The following MAGI1 variants were observed in gnomAD, a reference collection of about 807,000 sequenced individuals.
MAGI1 encodes membrane associated guanylate kinase, WW and PDZ domain containing 1.
A neutral mutation model predicts 139.9 loss-of-function variants in MAGI1; 58 were observed. The observed-to-expected ratio is 0.41, with a 90% CI of 0.34 to 0.52. The LOEUF is 0.52. MAGI1 is among the 20% of genes least tolerant of loss of function. The pLI is 0.12. For missense variants in MAGI1, 1,874 were observed against 1,901.6 expected (o/e 0.99, Z 0.27); for synonymous variants, 812 against 737.9 (o/e 1.10, Z -1.63).
intron 1 of MAGI1, among the ~76,000 whole-genome samples, chr3:65,646,396 T>C (rs1482929292): frequency 6.6e-6 from 1 of 151,480 alleles, no homozygotes; most frequent in African/African-American, 2.4e-5. Flanking sequence ...GCAAAATACA[T>C]AATGCAATAA....
chr3:65,778,081 A>T (rs1282653750), intron 1 of MAGI1, among the ~76,000 whole-genome samples: 3 of 152,206 alleles, frequency 2.0e-5, no homozygotes, highest in African/African-American at 7.2e-5. Context: ...GCCCCACAAC[A>T]GCCATGTGAT....
intron 1 of MAGI1, among the ~76,000 whole-genome samples, chr3:65,992,655 G>T (rs879727207): frequency 6.6e-6 from 1 of 152,050 alleles, no homozygotes; most frequent in Non-Finnish European, 1.5e-5. Context: ...ACAAGCTCTC[G>T]GGAGATGTGA....
rs189475482 is a variant in MAGI1, at chr3:65,758,150, G to T, written c.314-136062C>A. Among the ~76,000 whole-genome samples the T allele has an allele frequency of 1.3e-3, 199 of 152,298 alleles. 2 individuals carry two copies. The highest frequency in any genetic ancestry group is 4.4e-3 in the African/African-American group (182 of 41,560). ...TTGACTCGAGGAGATAAATCTCCCA[G>T]TCCTAGTTGGTTCTTTTCAGAGAGG... On this transcript the variant is annotated intron_variant, in intron 1 of 22. Transcript: ENST00000402939.
intron 14 of MAGI1, among the ~76,000 whole-genome samples, chr3:65,390,396 CCAA>C (rs1404464283): frequency 1.3e-5 from 2 of 152,180 alleles, no homozygotes; most frequent in East Asian, 1.9e-4. Context: ...AAACAGCCAC[CCAA>C]CAACAACAAT....
intron 1 of MAGI1, among the ~76,000 whole-genome samples, chr3:65,759,333 T>A (rs938745405): frequency 6.6e-6 from 1 of 152,188 alleles, no homozygotes; most frequent in African/African-American, 2.4e-5. Context: ...AGTCTCCTTA[T>A]CTATAAAATG....
intron 1 of MAGI1, among the ~76,000 whole-genome samples, chr3:65,970,997 G>A (rs1456857562): frequency 6.6e-6 from 1 of 152,194 alleles, no homozygotes; most frequent in Non-Finnish European, 1.5e-5. Flanking sequence ...GGGTACAAGA[G>A]ATTGAGACCA....
At chr3:65,778,430 C>CA (rs35399058) in intron 1 of MAGI1, among the ~76,000 whole-genome samples, 1,254 of 83,838 alleles carry the variant, frequency 0.015, 46 homozygotes, top group Middle Eastern at 0.042. Flanking sequence ...AACTCTGTCT[C>CA]AAAAAAAAAA....
At chr3:65,390,315 A>G (rs927733587) in intron 14 of MAGI1, among the ~76,000 whole-genome samples, 2 of 152,062 alleles carry the variant, frequency 1.3e-5, no homozygotes, top group African/African-American at 4.8e-5. Context: ...CCTACCCCAT[A>G]CCAAAAAGAG....
intron 2 of MAGI1, among the ~76,000 whole-genome samples, chr3:65,504,810 A>G (rs2077215059): frequency 6.6e-6 from 1 of 152,226 alleles, no homozygotes; most frequent in Non-Finnish European, 1.5e-5. Flanking sequence ...ATTCCACAGG[A>G]AAGTCAACCT....
chr3:65,737,158 C>A (rs1173838547), intron 1 of MAGI1, among the ~76,000 whole-genome samples: 1 of 152,200 alleles, frequency 6.6e-6, no homozygotes, highest in Admixed American at 6.5e-5. Flanking sequence ...GCACCGCCAC[C>A]ACGCCTGGCT....
At chr3:65,405,392 A>G (rs2107148546) in intron 12 of MAGI1, among the ~76,000 whole-genome samples, 1 of 152,320 alleles carries the variant, frequency 6.6e-6, no homozygotes, top group South Asian at 2.1e-4. Flanking sequence ...AATTTATATG[A>G]AAAAAGTAAA....
At chr3:65,666,261 C>A (rs899225093) in intron 1 of MAGI1, among the ~76,000 whole-genome samples, 1 of 152,146 alleles carries the variant, frequency 6.6e-6, no homozygotes, top group Non-Finnish European at 1.5e-5. Context: ...GTAGCCAGGG[C>A]ACTGTACAAA....
chr3:65,386,991 C>A lies in MAGI1; in HGVS notation c.2417-3368G>T, dbSNP rs537988915. The A allele has an allele frequency of 2.1e-5, 13 of 629,116 alleles. 1 individual carries two copies. The highest frequency in any genetic ancestry group is 1.9e-4 in the Admixed American group (6 of 32,358). 39.0% of individuals were successfully genotyped at this position (629,116 alleles called of 1,614,324 possible). ...TTTATTCCATCTTGTCTTTGGTTTG[C>A]GTTTGGTCAACAAGAGCTCCAAAGC... On this transcript the variant is annotated intron_variant, in intron 14 of 22. Coordinates refer to ENST00000402939, the MANE Select transcript of MAGI1 (RefSeq NM_001033057.2).
intron 12 of MAGI1, among the ~76,000 whole-genome samples, chr3:65,417,926 T>C (rs1249291243): frequency 1.3e-5 from 2 of 152,228 alleles, no homozygotes; most frequent in Non-Finnish European, 2.9e-5. Flanking sequence ...ACTGCTTTAG[T>C]CCAGCTGTTC....
At chr3:65,694,199 C>T (rs1015372403) in intron 1 of MAGI1, among the ~76,000 whole-genome samples, 7 of 152,236 alleles carry the variant, frequency 4.6e-5, no homozygotes, top group African/African-American at 1.4e-4. Flanking sequence ...TTCTGTAATA[C>T]ACTCAAACTC....
intron 1 of MAGI1, among the ~76,000 whole-genome samples, chr3:65,690,482 T>TC (rs1314886468): frequency 6.6e-6 from 1 of 152,106 alleles, no homozygotes; most frequent in Non-Finnish European, 1.5e-5. Flanking sequence ...CTTTTTTCTT[T>TC]CTTTTTTTCT....
intron 1 of MAGI1, among the ~76,000 whole-genome samples, chr3:65,827,520 C>T (rs982921238): frequency 2.6e-5 from 4 of 152,312 alleles, no homozygotes; most frequent in Admixed American, 1.3e-4. Context: ...AACAACACAG[C>T]CAAACTGCTC....
At chr3:65,443,401 A>G (rs2107442949) in intron 7 of MAGI1, among the ~76,000 whole-genome samples, 1 of 152,358 alleles carries the variant, frequency 6.6e-6, no homozygotes, top group African/African-American at 2.4e-5. Context: ...CATCTTTCTC[A>G]GCACTTAACC....
chr3:65,821,423 T>C (rs1495457), intron 1 of MAGI1, among the ~76,000 whole-genome samples: 98,940 of 152,020 alleles, frequency 0.65, 32,766 homozygotes, highest in East Asian at 0.95. Flanking sequence ...GTCTGCTGCA[T>C]GCCTGGCATG....
Sources: allele counts gnomAD v4.1 joint callset (sites outside exome capture counted in the v4.1 genomes callset), GRCh38; gene constraint gnomAD v4.1.1; transcripts MANE v1.5; gene names NCBI Gene and HGNC (gene_info 2026-07-23, HGNC 2026-07-21).